Variants in LEMD1 observed in about 807,000 individuals in gnomAD.
LEMD1 encodes the protein LEM domain containing 1.
LEMD1 carries 18 observed loss-of-function variants against 17.4 expected under a neutral mutation model. The ratio of observed to expected loss-of-function variants is 1.04; its 90% confidence interval spans 0.72 to 1.54. LEMD1 has a LOEUF of 1.54. Ranked by LOEUF, LEMD1 falls within the 40% of genes most tolerant of loss-of-function variation. The pLI, the probability that LEMD1 is intolerant of heterozygous loss-of-function variation, is 0.00. For missense variants in LEMD1, 195 were observed against 210.4 expected, an observed-to-expected ratio of 0.93 and a Z score of 0.45; for synonymous variants, 88 against 77.8, an observed-to-expected ratio of 1.13 and a Z score of -0.69.
intron 1 of LEMD1, among the ~76,000 whole-genome samples, chr1:205,420,996 C>A (rs1180735124): frequency 2.0e-5 from 3 of 150,790 alleles, no homozygotes; most frequent in Non-Finnish European, 4.4e-5. Context: ...TTTATCCCTG[C>A]CCTCCTTTTG....
chr1:205,395,228 A>G (rs1034580530), intron 4 of LEMD1, among the ~76,000 whole-genome samples: 1 of 152,168 alleles, frequency 6.6e-6, no homozygotes, highest in African/African-American at 2.4e-5. Flanking sequence ...AACCACCTGT[A>G]AATTTGGGTA....
chr1:205,416,495 C>T (rs1665702785), intron 3 of LEMD1, among the ~76,000 whole-genome samples, 199 bp from the exon 4 acceptor site: 2 of 152,318 alleles, frequency 1.3e-5, no homozygotes, highest in South Asian at 4.1e-4. Context: ...TTAGGCCTTC[C>T]TCTGGGAATA....
intron 5 of LEMD1, among the ~76,000 whole-genome samples, chr1:205,383,343 C>T (rs992285261): frequency 6.6e-6 from 1 of 152,244 alleles, no homozygotes; most frequent in Non-Finnish European, 1.5e-5. Flanking sequence ...GATCCTCCTA[C>T]CTCAGCCTCC....
chr1:205,426,258 A>C (rs747267673), upstream of LEMD1, among the ~76,000 whole-genome samples: 1 of 152,216 alleles, frequency 6.6e-6, no homozygotes, highest in Non-Finnish European at 1.5e-5. Flanking sequence ...TGAGTCCTGC[A>C]TACAGAGATT....
chr1:205,394,841 G>T (rs1664514133), intron 4 of LEMD1, among the ~76,000 whole-genome samples: 1 of 151,888 alleles, frequency 6.6e-6, no homozygotes, highest in Admixed American at 6.6e-5. Flanking sequence ...ACAAAAATTA[G>T]CCGGGTGTGG....
At chr1:205,435,499 A>G (rs60464141) in intron 1 of LEMD1, 1 of 152,366 alleles carries the variant, frequency 6.6e-6, no homozygotes, top group East Asian at 1.9e-4. Flanking sequence ...AAGACTGGAC[A>G]AAGACATGAA....
At chr1:205,449,548 C>T (rs1324688203) in intron 1 of LEMD1, among the ~76,000 whole-genome samples, 1 of 152,160 alleles carries the variant, frequency 6.6e-6, no homozygotes, top group African/African-American at 2.4e-5. Flanking sequence ...TTTCACTGGA[C>T]AGGAATCCTG....
chr1:205,419,106 G>T, intron 3 of LEMD1, 124 bp downstream of exon 3: 1 of 1,121,952 alleles, frequency 8.9e-7, no homozygotes, highest in Non-Finnish European at 1.3e-6. Context: ...GGCTTTCTGT[G>T]CAAAGAGGCC....
intron 4 of LEMD1, among the ~76,000 whole-genome samples, chr1:205,410,272 A>T (rs533018375): frequency 8.5e-5 from 13 of 152,174 alleles, no homozygotes; most frequent in African/African-American, 2.9e-4. Flanking sequence ...CTCATTTTCA[A>T]GTTTCTTCAT....
intron 4 of LEMD1, among the ~76,000 whole-genome samples, chr1:205,397,249 C>T (rs1045348881): frequency 1.3e-5 from 2 of 152,106 alleles, no homozygotes; most frequent in African/African-American, 4.8e-5. Context: ...TTTTTCCTCC[C>T]CTGTGGCCTT....
chr1:205,420,395 G>A (rs2102441275), intron 2 of LEMD1, 60 bp downstream of exon 2: 3 of 1,276,864 alleles, frequency 2.3e-6, no homozygotes, highest in Non-Finnish European at 2.3e-6. Context: ...TCCTTCTATT[G>A]TAAGTTGTTT....
intron 1 of LEMD1, chr1:205,435,583 AT>A (rs1666192603): frequency 6.6e-6 from 1 of 152,212 alleles, no homozygotes; most frequent in South Asian, 2.1e-4. Context: ...AGTGAATCTG[AT>A]TGCTAATTAA....
intron 1 of LEMD1, among the ~76,000 whole-genome samples, chr1:205,445,528 G>C (rs776654853): frequency 2.9e-4 from 44 of 152,270 alleles, no homozygotes; most frequent in Non-Finnish European, 6.0e-4. Flanking sequence ...AGAGACCACA[G>C]ACCCTAGCTT....
chr1:205,439,758 CT>C (rs1666263086), intron 1 of LEMD1, among the ~76,000 whole-genome samples: 2 of 152,206 alleles, frequency 1.3e-5, no homozygotes, highest in South Asian at 4.1e-4. Context: ...CCTGAAGCAT[CT>C]CTGCTGCTGG....
At chr1:205,411,671 A>G (rs868012529) in intron 4 of LEMD1, among the ~76,000 whole-genome samples, 1 of 146,046 alleles carries the variant, frequency 6.8e-6, no homozygotes, top group Admixed American at 6.9e-5. Flanking sequence ...AGAAAGAAAG[A>G]AAAGAAAGAA....
intron 4 of LEMD1, among the ~76,000 whole-genome samples, chr1:205,389,037 CTTTTTTTTTTTTTTTTT>C (rs61341380): frequency 1.3e-5 from 1 of 77,828 alleles, no homozygotes. Flanking sequence ...CATTTGCTTT[CTTTTTTTTTTTTTTTTT>C]TTTTTTTTTT....
rs1305707427 is a variant in LEMD1, at chr1:205,448,788, G to A, written c.-39+1080C>T. Among the ~76,000 whole-genome samples the A allele has an allele frequency of 1.3e-5, 2 of 152,158 alleles. No homozygotes were observed. Among genetic ancestry groups the A allele is most frequent in the African/African-American group, 4.8e-5 (2 of 41,436 alleles). ...CTGCTGCCAGTACCCAGGATGGGGG[G>A]CCCCAGGTTAGGCTCCCTCTTTACA... On this transcript the variant is annotated intron_variant, in intron 1 of 3. Transcript: ENST00000367154. This position sits in a 1 kb window ranked among gnomAD's most constrained non-coding sequence, Gnocchi z 4.7.
At chr1:205,428,210 C>A (rs376310215) in intron 1 of LEMD1, among the ~76,000 whole-genome samples, 2 of 152,210 alleles carry the variant, frequency 1.3e-5, no homozygotes, top group East Asian at 1.9e-4. Context: ...ATAATGAAAC[C>A]CACATATACC....
At chr1:205,397,137 C>T (rs77094905) in intron 4 of LEMD1, among the ~76,000 whole-genome samples, 2,062 of 152,182 alleles carry the variant, frequency 0.014, 52 homozygotes, top group African/African-American at 0.047. Context: ...ATCAGAAAGA[C>T]GAGCCTTTGC....
Sources: gnomAD v4.1 joint callset for allele counts (sites outside exome capture counted in the v4.1 genomes callset) on GRCh38, gnomAD v4.1.1 for gene constraint, Gnocchi (gnomAD v3.1) non-coding constraint, MANE v1.5 for transcripts, NCBI Gene and HGNC (gene_info 2026-07-23, HGNC 2026-07-21) for gene names.